Variants in AGGF1 observed in about 807,000 individuals in gnomAD.
AGGF1 encodes angiogenic factor with G-patch and FHA domains 1.
AGGF1 carries 56 observed loss-of-function variants against 86.5 expected under a neutral mutation model. The ratio of observed to expected loss-of-function variants is 0.65; its 90% CI spans 0.52 to 0.81. AGGF1 has a LOEUF of 0.81. Ranked by LOEUF, AGGF1 falls within the 30% of genes least tolerant of loss-of-function variation. The probability of loss-of-function intolerance (pLI) is 0.00; values close to 1 mark genes in which losing one functional copy is unlikely to be tolerated. For missense variants in AGGF1, 816 were observed against 850.9 expected (o/e 0.96, Z 0.51); for synonymous variants, 313 against 297.1 (o/e 1.05, Z -0.55).
intron 3 of AGGF1, chr5:77,036,005 T>C (rs1470028212): frequency 7.6e-6 from 3 of 394,204 alleles, no homozygotes; most frequent in African/African-American, 6.1e-5. Context: ...GTCCAGATAT[T>C]TTGACTGAAC....
intron 4 of AGGF1, 95 bp downstream of exon 4, chr5:77,036,815 G>T: frequency 7.3e-7 from 1 of 1,377,468 alleles, no homozygotes. Flanking sequence ...TCAGCTCACT[G>T]CAACTTTCAC....
Position 77,030,875 on chromosome 5 carries a change from C to T in AGGF1, c.109C>T (p.Arg37Trp), listed in dbSNP as rs2150725042. 3.1e-6 allele frequency: 5 copies of T among 1,613,364 alleles called. No homozygotes were observed. Among genetic ancestry groups the T allele is most frequent in the Non-Finnish European group, 4.2e-6 (5 of 1,179,990 alleles). ...GGTGGAGAAGTTGGAACGTGAACTG[C>T]GGAGCTGCAAGCGGCAGGTGCGGGA... ...RKVEKLEREL[R>W]SCKRQVREIE... The change falls in exon 1 of 14, where the codon CGG (arginine) becomes TGG (tryptophan). Residue 37 changes from arginine (R) to tryptophan (W), a missense_variant. Coordinates refer to ENST00000312916, the MANE Select transcript of AGGF1 (RefSeq NM_018046.5).
At chr5:77,042,742 C>T (rs1167494350) in intron 5 of AGGF1, among the ~76,000 whole-genome samples, 5 of 37,986 alleles carry the variant, frequency 1.3e-4, no homozygotes, top group East Asian at 1.7e-3. Context: ...CCGGACGGGG[C>T]GGCTGGCCGG....
rs1197722075 is a variant in AGGF1 at position 77,039,625 on chromosome 5, A to T, written c.776A>T (p.Gln259Leu). 1 of 1,613,368 alleles carries T rather than the reference A, an allele frequency of 6.2e-7. No homozygotes were observed. Among genetic ancestry groups the T allele is most frequent in the Non-Finnish European group, 8.5e-7 (1 of 1,179,562 alleles). The change falls in exon 5 of 14, where the codon CAA becomes CTA. Residue 259 changes from glutamine (Q) to leucine (L), a missense_variant. Around this residue, in one of 3 missense-constraint regions of AGGF1, gnomAD observed 565 missense variants for 585.8 expected, o/e 0.96. Coordinates refer to ENST00000312916, the MANE Select transcript of AGGF1 (RefSeq NM_018046.5). ...CAGTTTCATTCTCGAGTAGATTTGC[A>T]ACCTTATCCGACTTCTAGCACAAAA... ...RYQFHSRVDLQPYPTSSTKQS... is the reference protein window; with the variant it reads ...RYQFHSRVDLLPYPTSSTKQS...
intron 5 of AGGF1, among the ~76,000 whole-genome samples, chr5:77,040,194 C>T (rs1036821907): frequency 3.3e-5 from 5 of 151,508 alleles, no homozygotes; most frequent in Admixed American, 6.6e-5. Context: ...CCGCAACCTC[C>T]GCCTCCCAGG....
chr5:77,030,840 T>G lies in AGGF1; in HGVS notation c.74T>G (p.Leu25Arg). Reference sequence around the variant, plus strand: ...TCCCCCGAGCCTGAGCTGGCCCAGCTAAGGCGGAAGGTGGAGAAGTTGGAA... The same window carrying G: ...TCCCCCGAGCCTGAGCTGGCCCAGCGAAGGCGGAAGGTGGAGAAGTTGGAA... ...PTSPEPELAQ[L>R]RRKVEKLERE... Residue 25 changes from leucine (L) to arginine (R), a missense_variant, in exon 1 of 14, where the codon CTA becomes CGA. Around this residue, in one of 3 missense-constraint regions of AGGF1, gnomAD observed 240 missense variants for 234.4 expected, o/e 1.02. Transcript: ENST00000312916. 1 of 1,612,092 alleles carries G rather than the reference T, an allele frequency of 6.2e-7. No individual in the cohort carries two copies.
At position 77,036,566 on chromosome 5, in the gene AGGF1, C is replaced by T; in HGVS notation, c.527C>T (p.Ser176Phe). Residue 176 changes from serine to phenylalanine, a missense_variant, in exon 4 of 14, where the codon TCT becomes TTT. Coordinates refer to ENST00000312916, the MANE Select transcript of AGGF1 (RefSeq NM_018046.5). Reference sequence around the variant, plus strand: ...CTATATCTTTTATAGGAGCCAGCATCTGCATTAGCAACAGAAGATACCTCC... The same window carrying T: ...CTATATCTTTTATAGGAGCCAGCATTTGCATTAGCAACAGAAGATACCTCC... ...HFASNSQEPA[S>F]ALATEDTSLE... is the part of the protein sequence containing the mutation. The T allele has an allele frequency of 6.2e-7, 1 of 1,614,092 alleles. No individual in the cohort carries two copies. The highest frequency in any genetic ancestry group is 1.7e-5 in the Admixed American group (1 of 60,024).
rs565459724 is a variant in AGGF1, at chr5:77,056,523, C to T, written c.1716+927C>T. 3.7e-4 allele frequency among the ~76,000 whole-genome samples: 56 copies of T among 150,600 alleles called. No individual in the cohort carries two copies. The South Asian group carries it at 6.3e-3, about 17-fold the overall frequency. On this transcript the variant is annotated intron_variant, in intron 11 of 13. Transcript: ENST00000312916. ...GATTACAGGTGCGAGCCACTGTGCC[C>T]GGCCAAGAGTGGTCTTTTACAACAA... is the stretch of plus-strand genomic sequence containing the variant.
chr5:77,054,355 G>A (rs1454466202), intron 10 of AGGF1, among the ~76,000 whole-genome samples: 1 of 152,176 alleles, frequency 6.6e-6, no homozygotes, highest in Non-Finnish European at 1.5e-5. Flanking sequence ...CATATATTTG[G>A]AAGTTGAGAC....
intron 10 of AGGF1, 31 bp from the exon 11 acceptor site, chr5:77,055,482 GC>G: frequency 7.1e-7 from 1 of 1,413,388 alleles, no homozygotes; most frequent in Non-Finnish European, 1.0e-6. Flanking sequence ...AGATTTAGTG[GC>G]TTTTTTTTAA....
chr5:77,048,908 AT>A (rs760094266), intron 7 of AGGF1, 27 bp from the exon 8 acceptor site: 34 of 1,609,040 alleles, frequency 2.1e-5, no homozygotes, highest in Non-Finnish European at 2.9e-5. Flanking sequence ...TTCAAAAATT[AT>A]TAAAGACACT....
chr5:77,063,663 A>G lies in AGGF1; in HGVS notation c.*411A>G, dbSNP rs1349846490. ...GAAGTTTATAAAAATAAATCTGACT[A>G]TATGCATCCTCATTTATTCCCTTTA... On this transcript the variant is annotated 3_prime_UTR_variant, in exon 14 of 14. Coordinates refer to ENST00000312916, the MANE Select transcript of AGGF1 (RefSeq NM_018046.5). The G allele has an allele frequency of 5.2e-6, 1 of 190,888 alleles. No individual in the cohort carries two copies. The highest frequency in any genetic ancestry group is 5.5e-5 in the Admixed American group (1 of 18,230). The allele number at this position is 190,888 out of a possible 1,614,324, so 11.8% of individuals were successfully genotyped here.
intron 5 of AGGF1, among the ~76,000 whole-genome samples, chr5:77,041,445 T>G (rs922454242): frequency 6.6e-6 from 1 of 151,420 alleles, no homozygotes; most frequent in African/African-American, 2.4e-5. Context: ...CAGATGCCTG[T>G]AATCCCAGCT....
intron 2 of AGGF1, among the ~76,000 whole-genome samples, 159 bp downstream of exon 2, chr5:77,034,679 A>G (rs555726611): frequency 2.2e-4 from 33 of 152,330 alleles, no homozygotes; most frequent in African/African-American, 7.9e-4. Flanking sequence ...CGGATAATCA[A>G]TTTGTTCTTC....
At chr5:77,040,269 T>G (rs554215954) in intron 5 of AGGF1, among the ~76,000 whole-genome samples, 1 of 152,144 alleles carries the variant, frequency 6.6e-6, no homozygotes, top group African/African-American at 2.4e-5. Flanking sequence ...CCAACACGTC[T>G]GGCTAATTTT....
At chr5:77,046,236 T>C in intron 5 of AGGF1, 111 bp from the exon 6 acceptor site, 1 of 946,164 alleles carries the variant, frequency 1.1e-6, no homozygotes, top group Non-Finnish European at 1.7e-6. Context: ...CCATTGTTAT[T>C]TTACTGACAC....
chr5:77,065,105 G>GA lies in AGGF1; in HGVS notation c.*1857dup, dbSNP rs1053131937. The GA allele has an allele frequency of 5.6e-4, 85 of 152,240 alleles. No individual in the cohort carries two copies. Among genetic ancestry groups the GA allele is most frequent in the African/African-American group, 2.0e-3 (82 of 41,558 alleles). 9.4% of individuals were successfully genotyped at this position (152,240 alleles called of 1,614,324 possible). On this transcript the variant is annotated 3_prime_UTR_variant, in exon 14 of 14. Coordinates refer to ENST00000312916, the MANE Select transcript of AGGF1 (RefSeq NM_018046.5). ...CGTGTCTGTCATGAATAGCAAATGA[G>GA]AAAATGTATATAAAAGCACTTTGTA... is the stretch of plus-strand genomic sequence containing the variant.
At chr5:77,051,519 A>G (rs11747107) in intron 8 of AGGF1, among the ~76,000 whole-genome samples, 34,547 of 152,020 alleles carry the variant, frequency 0.23, 4,476 homozygotes, top group Non-Finnish European at 0.29. Flanking sequence ...CTCTTAGGCT[A>G]GCAAAAATTA....
intron 10 of AGGF1, 78 bp from the exon 11 acceptor site, chr5:77,055,436 A>G: frequency 1.1e-6 from 1 of 914,848 alleles, no homozygotes; most frequent in Admixed American, 2.1e-5. Flanking sequence ...GTTTTTTATT[A>G]ATTAAATAAC....
Sources: gnomAD v4.1 joint callset for allele counts (sites outside exome capture counted in the v4.1 genomes callset) on GRCh38, gnomAD v4.1.1 for gene constraint, gnomAD v4.1.1 regional missense constraint, MANE v1.5 for transcripts, NCBI Gene and HGNC (gene_info 2026-07-23, HGNC 2026-07-21) for gene names.